SEMA4D: variants seen among roughly 807,000 people sequenced by gnomAD.
SEMA4D encodes semaphorin 4D, also known as semaphorin-4D.
A neutral mutation model predicts 74.8 loss-of-function variants in SEMA4D; 22 were observed. The observed-to-expected ratio is 0.29, with a 90% confidence interval of 0.21 to 0.42. The LOEUF is 0.42. Among genes scored for constraint, SEMA4D ranks in the 10% least tolerant of loss-of-function variants. The pLI, the probability that SEMA4D is intolerant of heterozygous loss-of-function variation, is 1.00. For synonymous variants in SEMA4D, 445 were observed against 463.7 expected (o/e 0.96, Z 0.52); for missense variants, 937 against 1,118.4 (o/e 0.84, Z 2.31).
intron 1 of SEMA4D, among the ~76,000 whole-genome samples, chr9:89,481,288 G>A (rs185737623): frequency 6.6e-6 from 1 of 152,348 alleles, no homozygotes; most frequent in African/African-American, 2.4e-5. Context: ...GTCCAGCGAG[G>A]GAGGCGGGGC....
intron 13 of SEMA4D, chr9:89,385,966 C>CT: frequency 1.0e-6 from 1 of 984,218 alleles, no homozygotes; most frequent in Non-Finnish European, 1.2e-6. Flanking sequence ...AGACGAACCA[C>CT]TTCTCTTGTG....
intron 2 of SEMA4D, chr9:89,449,452 G>A (rs1445978714): frequency 2.6e-5 from 17 of 650,226 alleles, no homozygotes; most frequent in East Asian, 8.0e-5. Flanking sequence ...GCTTTCGCTG[G>A]CCCTCTCCTC....
intron 5 of SEMA4D, among the ~76,000 whole-genome samples, chr9:89,398,696 AG>A (rs1564623015): frequency 6.6e-6 from 1 of 152,210 alleles, no homozygotes; most frequent in Non-Finnish European, 1.5e-5. Context: ...CGGGGGTCAC[AG>A]GCACCCCAAC....
chr9:89,477,194 A>G (rs898722101), intron 1 of SEMA4D, among the ~76,000 whole-genome samples: 3 of 152,110 alleles, frequency 2.0e-5, no homozygotes, highest in African/African-American at 4.8e-5. Context: ...GGAACCTATG[A>G]GCACACATGT....
chr9:89,421,574 C>T (rs988214221), intron 2 of SEMA4D, among the ~76,000 whole-genome samples: 2 of 152,192 alleles, frequency 1.3e-5, no homozygotes, highest in African/African-American at 4.8e-5. Context: ...ACCCAGAAGT[C>T]CACCAGTGTG....
chr9:89,429,699 C>T (rs746070486), intron 2 of SEMA4D, among the ~76,000 whole-genome samples: 2 of 152,166 alleles, frequency 1.3e-5, no homozygotes, highest in African/African-American at 2.4e-5. Flanking sequence ...GGCCGAGGGA[C>T]GTACCCGACC....
At chr9:89,491,839 C>T (rs954228442) in intron 1 of SEMA4D, among the ~76,000 whole-genome samples, 3 of 152,200 alleles carry the variant, frequency 2.0e-5, no homozygotes, top group Admixed American at 6.5e-5. Flanking sequence ...AGTCCACCAG[C>T]GATGGGACAG....
At chr9:89,373,177 G>A (rs1457320352), downstream of SEMA4D, among the ~76,000 whole-genome samples, 7 of 152,070 alleles carry the variant, frequency 4.6e-5, no homozygotes, top group East Asian at 3.9e-4. Flanking sequence ...GCCCTACTCC[G>A]CCCACGTGGC....
chr9:89,386,557 C>G, intron 12 of SEMA4D, 75 bp from the exon 13 acceptor site: 1 of 816,288 alleles, frequency 1.2e-6, no homozygotes, highest in Non-Finnish European at 2.1e-6. Context: ...CAGCGGCAAA[C>G]TTCACACTCT....
At chr9:89,488,963 T>C (rs755153064) in intron 1 of SEMA4D, among the ~76,000 whole-genome samples, 1 of 152,122 alleles carries the variant, frequency 6.6e-6, no homozygotes, top group Non-Finnish European at 1.5e-5. Flanking sequence ...GACAACCCAA[T>C]TAAAAAGTGA....
In SEMA4D at chr9:89,365,788, ACAGTAGTGGC is replaced by A. The variant is rs552218056; in HGVS notation, c.1883-1848_1883-1839del. 16 of 152,390 alleles carry A rather than the reference ACAGTAGTGGC, an allele frequency of 1.0e-4. No homozygotes were observed. The East Asian group carries it at 3.1e-3, about 29-fold the overall frequency. 9.4% of individuals were successfully genotyped at this position (152,390 alleles called of 1,614,324 possible). A position where few individuals can be genotyped will look rare whatever the true frequency, so the allele number is the denominator to read the frequency against. ...ACCCACGCTCCCCTCCCTGGGCAGG[ACAGTAGTGGC>A]CAGAGAGCTTTCCATTTCTGTGGCA... On this transcript the variant is annotated intron_variant, in intron 16 of 18. Transcript: ENST00000339861.
In SEMA4D at chr9:89,387,534, A is replaced by C. The variant is rs200520518; in HGVS notation, c.1182T>G (p.Val394=). The change falls in exon 12 of 16, where the codon GTT becomes GTG. Residue 394 remains valine (V), a synonymous_variant. Coordinates refer to ENST00000422704, the MANE Select transcript of SEMA4D (RefSeq NM_001371194.2). ...LNLPDKTLQF[V]KDHPLMDDSV... ...AGTCATCCATCAAAGGGTGGTCTTT[A>C]ACGAACTGCAGCGTCTTGTCTGGCA... 95 of 1,614,124 alleles carry C rather than the reference A, an allele frequency of 5.9e-5. No individual in the cohort carries two copies. Among genetic ancestry groups the C allele is most frequent in the Non-Finnish European group, 8.0e-5 (94 of 1,180,058 alleles).
intron 1 of SEMA4D, among the ~76,000 whole-genome samples, chr9:89,463,237 C>T (rs191269277): frequency 3.9e-4 from 59 of 152,274 alleles, no homozygotes; most frequent in African/African-American, 1.3e-3. Flanking sequence ...CCTCTCCAAA[C>T]CACCTGCTAC....
At chr9:89,376,740 T>C (rs1835841230), downstream of SEMA4D, 2 of 1,455,910 alleles carry the variant, frequency 1.4e-6, no homozygotes, top group Non-Finnish European at 1.8e-6. Context: ...TAAAGGAACA[T>C]GTGGAGGGAT....
chr9:89,427,638 C>T (rs1848381974), intron 2 of SEMA4D, among the ~76,000 whole-genome samples: 2 of 152,226 alleles, frequency 1.3e-5, no homozygotes, highest in African/African-American at 4.8e-5. Flanking sequence ...CCCCGGTCAG[C>T]AGCACCTGCA....
At chr9:89,410,372 T>C (rs1440509175) in intron 2 of SEMA4D, among the ~76,000 whole-genome samples, 3 of 152,190 alleles carry the variant, frequency 2.0e-5, no homozygotes, top group African/African-American at 7.2e-5. Flanking sequence ...AGTGGCTGTG[T>C]TTACCACCAA....
chr9:89,494,473 T>A (rs1237180575), intron 1 of SEMA4D, among the ~76,000 whole-genome samples: 1 of 152,220 alleles, frequency 6.6e-6, no homozygotes, highest in Non-Finnish European at 1.5e-5. Context: ...CCAGATGGGC[T>A]TCCGTGCTGA....
In SEMA4D at chr9:89,379,618, C is replaced by T; in HGVS notation, c.1675G>A (p.Gly559Arg). 11 of 1,607,664 alleles carry T rather than the reference C, an allele frequency of 6.8e-6. No individual in the cohort carries two copies. The highest frequency in any genetic ancestry group is 8.5e-6 in the Non-Finnish European group (10 of 1,175,586). ...TTGAAAAAATGCTGCCGGTAACTTC[C>T]TTTACTTTTATCTGGAACATCAAAA... is the stretch of plus-strand genomic sequence containing the variant. ...DASVCPDKSK[G>R]SYRQHFFKHG... is the part of the protein sequence containing the mutation. Residue 559 changes from glycine to arginine, a missense_variant, in exon 16 of 16, where the codon GGA becomes AGA. Coordinates refer to ENST00000422704, the MANE Select transcript of SEMA4D (RefSeq NM_001371194.2).
intron 1 of SEMA4D, among the ~76,000 whole-genome samples, chr9:89,477,042 G>A (rs1861915424): frequency 6.6e-6 from 1 of 152,098 alleles, no homozygotes; most frequent in South Asian, 2.1e-4. Context: ...GAGGAGAGTG[G>A]GGCGAGTTTT....
Sources: gnomAD v4.1 joint callset for allele counts (sites outside exome capture counted in the v4.1 genomes callset) on GRCh38, gnomAD v4.1.1 for gene constraint, MANE v1.5 for transcripts, NCBI Gene and HGNC (gene_info 2026-07-23, HGNC 2026-07-21) for gene names.